The following SLC2A7 variants were observed in gnomAD, a reference collection of about 807,000 sequenced individuals.
SLC2A7 encodes solute carrier family 2, facilitated glucose transporter member 7.
A neutral mutation model predicts 50.5 loss-of-function variants in SLC2A7; 50 were observed. That is an observed-to-expected ratio of 0.99 (90% confidence interval 0.79 to 1.25). The LOEUF is 1.25. SLC2A7 is among the 50% of genes most tolerant of loss of function. The probability of loss-of-function intolerance (pLI) is 0.00; values close to 1 mark genes in which losing one functional copy is unlikely to be tolerated. For synonymous variants in SLC2A7, 308 were observed against 300.4 expected, an observed-to-expected ratio of 1.03 and a Z score of -0.26; for missense variants, 683 against 679.1, an observed-to-expected ratio of 1.01 and a Z score of -0.06.
chr1:9,020,673 C>CTTTT (rs201609038), intron 3 of SLC2A7, among the ~76,000 whole-genome samples: 3 of 138,372 alleles, frequency 2.2e-5, no homozygotes, highest in African/African-American at 2.7e-5. Flanking sequence ...CTGATATTCT[C>CTTTT]TCTTTTTTTT....
At chr1:9,026,011 A>G (rs892649314) in intron 1 of SLC2A7, among the ~76,000 whole-genome samples, 1 of 152,154 alleles carries the variant, frequency 6.6e-6, no homozygotes, top group African/African-American at 2.4e-5. Flanking sequence ...CTCGATCTTT[A>G]AGGGTAGGGG....
chr1:8,993,500 C>G, the SLC2A7 span, among the ~76,000 whole-genome samples: 1 of 152,164 alleles, frequency 6.6e-6, no homozygotes, highest in Non-Finnish European at 1.5e-5. Flanking sequence ...CTCCTGGTGT[C>G]TGACAGAAGC....
chr1:9,015,460 C>A (rs371221829), intron 5 of SLC2A7, among the ~76,000 whole-genome samples: 3 of 152,146 alleles, frequency 2.0e-5, no homozygotes, highest in Non-Finnish European at 4.4e-5. Context: ...GGAAGAACAC[C>A]GTTTCTCTAA....
chr1:9,017,088 A>T lies in SLC2A7; in HGVS notation c.589+1135T>A, dbSNP rs139419200. Among the ~76,000 whole-genome samples, 458 of 152,310 alleles carry T rather than the reference A, an allele frequency of 3.0e-3. 4 individuals carry two copies. The highest frequency in any genetic ancestry group is 0.01 in the African/African-American group (429 of 41,558). ...AAAATATTCTAGGTAAAAACTGGCC[A>T]TACGGGTGGATCACCTGAGGTCAGG... is the stretch of plus-strand genomic sequence containing the variant. On this transcript the variant is annotated intron_variant, in intron 5 of 11. Transcript: ENST00000400906.
In SLC2A7 at chr1:9,018,365, G is replaced by A; in HGVS notation, c.447C>T (p.Tyr149=). 1 of 1,613,248 alleles carries A rather than the reference G, an allele frequency of 6.2e-7. No homozygotes were observed. The highest frequency in any genetic ancestry group is 8.5e-7 in the Non-Finnish European group (1 of 1,180,026). Residue 149 remains tyrosine (Y), a synonymous_variant, in exon 5 of 12, where the codon TAC becomes TAT. Transcript: ENST00000400906. ...CTCCCAGGTACATGGGAAGGGCGCT[G>A]TAGGAGATGCCTGGTTTGGGCACAG... The part of the protein sequence containing the change: ...VVLGVCAGIS[Y]SALPMYLGEL...
intron 6 of SLC2A7, 110 bp from the exon 7 acceptor site, chr1:9,014,978 C>T: frequency 6.6e-7 from 1 of 1,504,746 alleles, no homozygotes; most frequent in Non-Finnish European, 8.9e-7. Context: ...TTGGTTGTGC[C>T]CCAGTTGCCA....
intron 3 of SLC2A7, among the ~76,000 whole-genome samples, chr1:9,020,954 TG>T (rs1424585583): frequency 6.6e-6 from 1 of 152,182 alleles, no homozygotes; most frequent in Non-Finnish European, 1.5e-5. Context: ...AGATGTAACT[TG>T]CCCCTCCTTT....
At chr1:9,012,789 G>T (rs930368426) in intron 8 of SLC2A7, among the ~76,000 whole-genome samples, 2 of 152,174 alleles carry the variant, frequency 1.3e-5, no homozygotes, top group African/African-American at 4.8e-5. Context: ...TCATGAAACT[G>T]CACCAACAAA....
Position 9,008,071 on chromosome 1 carries a change from C to G in SLC2A7, c.1117-686G>C, listed in dbSNP as rs540199218. On this transcript the variant is annotated intron_variant, in intron 9 of 11. Coordinates refer to ENST00000400906, the MANE Select transcript of SLC2A7 (RefSeq NM_207420.3). The surrounding 1 kb of genome is among the most constrained non-coding windows in gnomAD (Gnocchi z 5.9). The stretch of plus-strand genomic sequence containing the variant: ...ACCATTCTCTGGAGACTCCTAGGAC[C>G]CCCGGACCCGTGGAGCTGGCAGACC... Among the ~76,000 whole-genome samples the G allele has an allele frequency of 6.6e-6, 1 of 152,054 alleles. No individual in the cohort carries two copies. The highest frequency in any genetic ancestry group is 1.9e-4 in the East Asian group (1 of 5,186).
rs1640648142 is a variant in SLC2A7, at chr1:9,005,969, G to C, written c.1193-1090C>G. Among the ~76,000 whole-genome samples the C allele has an allele frequency of 2.0e-5, 3 of 152,280 alleles. No homozygotes were observed. In the South Asian group the frequency reaches 6.2e-4, roughly 32 times the overall value. On this transcript the variant is annotated intron_variant, in intron 10 of 11. Coordinates refer to ENST00000400906, the MANE Select transcript of SLC2A7 (RefSeq NM_207420.3). ...CCCCAAAGTGGACGCCGGCAGGGAT[G>C]TCATCTGTCCTGCCTTCCTCCTGTC...
the SLC2A7 span, among the ~76,000 whole-genome samples, chr1:8,996,859 T>A: frequency 9.9e-5 from 15 of 152,076 alleles, no homozygotes; most frequent in Non-Finnish European, 1.8e-4. Flanking sequence ...CACTGCAACC[T>A]CTGCCTCCCG....
At position 9,003,328 on chromosome 1, in the gene SLC2A7, G is replaced by A. The variant is rs1458202580; in HGVS notation, c.1511C>T (p.Ala504Val). The A allele has an allele frequency of 6.2e-7, 1 of 1,614,202 alleles. No homozygotes were observed. Among genetic ancestry groups the A allele is most frequent in the East Asian group, 2.2e-5 (1 of 44,884 alleles). ...EETIDAGPPT[A>V]SPAKETSF ...AAAGGAAGTTTCCTTGGCAGGAGAG[G>A]CTGTGGGAGGCCCAGCATCAATGGT... Residue 504 changes from alanine (A) to valine (V), a missense_variant, in exon 12 of 12, where the codon GCC (alanine) becomes GTC (valine). Transcript: ENST00000400906.
At chr1:9,007,470 C>G in intron 9 of SLC2A7, 85 bp from the exon 10 acceptor site, 1 of 1,287,506 alleles carries the variant, frequency 7.8e-7, no homozygotes, top group Non-Finnish European at 1.1e-6. Context: ...CCTTCCTGCC[C>G]CAGGGAGGAG....
intron 9 of SLC2A7, among the ~76,000 whole-genome samples, chr1:9,009,814 A>C (rs1445162525): frequency 6.6e-6 from 1 of 152,222 alleles, no homozygotes; most frequent in African/African-American, 2.4e-5. Flanking sequence ...ACACCTGTTC[A>C]CCGCCCATAG....
At chr1:9,010,335 T>C (rs1230545691) in intron 8 of SLC2A7, 91 bp from the exon 9 acceptor site, 1 of 929,816 alleles carries the variant, frequency 1.1e-6, no homozygotes, top group East Asian at 2.7e-5. Context: ...GGGCCCCTCT[T>C]AGGTGCCCCT....
the SLC2A7 span, among the ~76,000 whole-genome samples, chr1:8,993,366 C>T: frequency 6.6e-6 from 1 of 152,178 alleles, no homozygotes; most frequent in Non-Finnish European, 1.5e-5. Flanking sequence ...AGAAAGGTAG[C>T]CTTTGAGCAT....
chr1:9,019,211 G>A lies in SLC2A7; in HGVS notation c.434C>T (p.Ala145Val). ...GCCGGAGCCTGGGCCCCAGGTACCTGCACAGACTCCCAGCACCACTCGGGA... is the reference window on the plus strand; with the variant it reads ...GCCGGAGCCTGGGCCCCAGGTACCTACACAGACTCCCAGCACCACTCGGGA... The part of the protein sequence containing the change: ...VFSRVVLGVC[A>V]GISYSALPMY... Residue 145 changes from alanine (A) to valine (V), a missense_variant and splice_region_variant, in exon 4 of 12, where the codon GCA becomes GTA. Physicochemically the swap from Ala to Val is moderately conservative, Grantham distance 64 (BLOSUM62 0). Transcript: ENST00000400906. 6.2e-7 allele frequency: 1 copy of A among 1,613,716 alleles called. No individual in the cohort carries two copies.
At chr1:9,003,800 G>T (rs953646647) in intron 11 of SLC2A7, among the ~76,000 whole-genome samples, 1 of 152,170 alleles carries the variant, frequency 6.6e-6, no homozygotes, top group Non-Finnish European at 1.5e-5. Context: ...AGAGGTTGCA[G>T]TGAGCCAAGA....
intron 10 of SLC2A7, among the ~76,000 whole-genome samples, chr1:9,006,492 C>A (rs1008408501): frequency 7.2e-6 from 1 of 138,032 alleles, no homozygotes; most frequent in Non-Finnish European, 1.6e-5. Context: ...AAGTGAACAG[C>A]CTGCCTCCCT....
Sources: allele counts gnomAD v4.1 joint callset (sites outside exome capture counted in the v4.1 genomes callset), GRCh38; gene constraint gnomAD v4.1.1; non-coding constraint Gnocchi (gnomAD v3.1); transcripts MANE v1.5; gene names NCBI Gene and HGNC (gene_info 2026-07-23, HGNC 2026-07-21).